The following FHOD3 variants were observed in gnomAD, a reference collection of about 807,000 sequenced individuals.
FHOD3 encodes the protein FH1/FH2 domain-containing protein 3.
A neutral mutation model predicts 173.0 loss-of-function variants in FHOD3; 90 were observed. The observed-to-expected ratio is 0.52, with a 90% CI of 0.44 to 0.62. The LOEUF is 0.62. FHOD3 is among the 20% of genes least tolerant of loss of function. The probability of loss-of-function intolerance (pLI) is 0.00; values close to 1 mark genes in which losing one functional copy is unlikely to be tolerated. For synonymous variants in FHOD3, 828 were observed against 823.0 expected, an observed-to-expected ratio of 1.01 and a Z score of -0.10; for missense variants, 1,945 against 2,034.7, an observed-to-expected ratio of 0.96 and a Z score of 0.85.
chr18:36,470,578 G>A (rs543138983), intron 3 of FHOD3, among the ~76,000 whole-genome samples: 53 of 152,324 alleles, frequency 3.5e-4, no homozygotes, highest in Middle Eastern at 3.4e-3. Context: ...TATACAATAT[G>A]TGTGTAATTG....
At chr18:36,382,444 A>C (rs1220858406) in intron 3 of FHOD3, among the ~76,000 whole-genome samples, 3 of 152,220 alleles carry the variant, frequency 2.0e-5, no homozygotes, top group Non-Finnish European at 1.5e-5. Context: ...AGATAATTCC[A>C]CCAGACCAAT....
chr18:36,652,644 T>G lies in FHOD3; in HGVS notation c.1361T>G (p.Val454Gly), dbSNP rs1568553452. The part of the protein sequence containing the change: ...AAPKSSALPA[V>G]SNASSQGKPL... Reference sequence around the variant, plus strand: ...CCCAAGAGCTCTGCCCTCCCTGCTGTCTCGAATGCCAGCTCGCAGGGAAAG... The same window carrying G: ...CCCAAGAGCTCTGCCCTCCCTGCTGGCTCGAATGCCAGCTCGCAGGGAAAG... The change falls in exon 12 of 29, where the codon GTC (valine) becomes GGC (glycine). Residue 454 changes from valine to glycine, a missense_variant. This residue lies in a region of FHOD3 where 1,099 missense variants were observed against 1,051.2 expected (regional missense o/e 1.05). Coordinates refer to ENST00000590592, the MANE Select transcript of FHOD3 (RefSeq NM_001281740.3). 2.0e-6 allele frequency: 3 copies of G among 1,535,492 alleles called. No homozygotes were observed. The highest frequency in any genetic ancestry group is 2.6e-6 in the Non-Finnish European group (3 of 1,146,680).
At chr18:36,601,075 G>T (rs2031311750) in intron 7 of FHOD3, among the ~76,000 whole-genome samples, 2 of 152,192 alleles carry the variant, frequency 1.3e-5, no homozygotes, top group South Asian at 4.1e-4. Context: ...TGGTTACTTT[G>T]CAGTGGTTGG....
At chr18:36,687,671 T>C (rs978867380) in intron 16 of FHOD3, among the ~76,000 whole-genome samples, 1 of 152,218 alleles carries the variant, frequency 6.6e-6, no homozygotes, top group Non-Finnish European at 1.5e-5. Flanking sequence ...TGCCTAGATT[T>C]CCTTTATTTC....
At chr18:36,375,816 T>C (rs772636204) in intron 3 of FHOD3, among the ~76,000 whole-genome samples, 12 of 152,144 alleles carry the variant, frequency 7.9e-5, no homozygotes, top group Non-Finnish European at 1.5e-4. Flanking sequence ...GAGATTTTGG[T>C]ATAGAGAGAG....
In FHOD3 at chr18:36,652,745, C is replaced by G; in HGVS notation, c.1462C>G (p.Leu488Val). The G allele has an allele frequency of 6.5e-7, 1 of 1,535,912 alleles. No homozygotes were observed. The highest frequency in any genetic ancestry group is 8.7e-7 in the Non-Finnish European group (1 of 1,146,716). Reference protein sequence around the residue: ...SSGSEATPSALLSPPASAARP... With the variant: ...SSGSEATPSAVLSPPASAARP... ...TGGGTCTGAGGCCACCCCATCTGCCCTCCTGTCACCCCCTGCCTCAGCTGC... is the reference window on the plus strand; with the variant it reads ...TGGGTCTGAGGCCACCCCATCTGCCGTCCTGTCACCCCCTGCCTCAGCTGC... Residue 488 changes from leucine to valine, a missense_variant, in exon 12 of 29, where the codon CTC becomes GTC. This residue lies in a region of FHOD3 where 1,099 missense variants were observed against 1,051.2 expected (regional missense o/e 1.05). Coordinates refer to ENST00000590592, the MANE Select transcript of FHOD3 (RefSeq NM_001281740.3).
intron 2 of FHOD3, among the ~76,000 whole-genome samples, chr18:36,356,533 A>C (rs1389773766): frequency 6.6e-6 from 1 of 152,126 alleles, no homozygotes; most frequent in Admixed American, 6.5e-5. Context: ...GTCTCACTCC[A>C]GTTGCCCAGG....
intron 17 of FHOD3, among the ~76,000 whole-genome samples, chr18:36,701,924 G>T (rs549652244): frequency 6.6e-6 from 1 of 152,246 alleles, no homozygotes; most frequent in East Asian, 1.9e-4. Flanking sequence ...ATCTTCAGTG[G>T]GGCTTAGGTC....
intron 5 of FHOD3, among the ~76,000 whole-genome samples, chr18:36,563,703 T>G (rs2147723321): frequency 6.6e-6 from 1 of 152,306 alleles, no homozygotes; most frequent in East Asian, 1.9e-4. Context: ...GGTACTGTCT[T>G]AGAAGCAAAA....
At chr18:36,777,121 G>A (rs1430378996) in intron 28 of FHOD3, among the ~76,000 whole-genome samples, 1 of 151,682 alleles carries the variant, frequency 6.6e-6, no homozygotes, top group Non-Finnish European at 1.5e-5. Context: ...ATAGACTGAT[G>A]TCCACACCAC....
intron 6 of FHOD3, among the ~76,000 whole-genome samples, chr18:36,587,517 C>T (rs981205799): frequency 3.9e-5 from 6 of 152,166 alleles, no homozygotes; most frequent in Admixed American, 6.5e-5. Flanking sequence ...GCCAGCCAGG[C>T]GCGGTGGCTC....
chr18:36,315,274 A>G (rs1229484762), intron 1 of FHOD3, among the ~76,000 whole-genome samples: 1 of 152,202 alleles, frequency 6.6e-6, no homozygotes, highest in Non-Finnish European at 1.5e-5. Context: ...AGTGAGTTTC[A>G]TTAGAAACTA....
intron 3 of FHOD3, among the ~76,000 whole-genome samples, chr18:36,402,835 T>A (rs1324999233): frequency 6.6e-6 from 1 of 152,174 alleles, no homozygotes; most frequent in Non-Finnish European, 1.5e-5. Context: ...CCACAGTGAG[T>A]TTCCATCAGC....
intron 2 of FHOD3, among the ~76,000 whole-genome samples, chr18:36,364,287 T>A (rs2046781337): frequency 6.6e-6 from 1 of 152,190 alleles, no homozygotes; most frequent in Non-Finnish European, 1.5e-5. Flanking sequence ...GTAAAATAGC[T>A]ATAGCATCCT....
intron 22 of FHOD3, 125 bp from the exon 23 acceptor site, chr18:36,743,907 C>T (rs1289290728): frequency 2.8e-6 from 3 of 1,057,298 alleles, no homozygotes; most frequent in East Asian, 4.8e-5. Flanking sequence ...CATGTGGCCC[C>T]AGGAGCTTCA....
At chr18:36,544,569 C>T (rs1415876180) in intron 5 of FHOD3, 3 of 152,370 alleles carry the variant, frequency 2.0e-5, no homozygotes, top group Non-Finnish European at 2.9e-5. Flanking sequence ...CCCTCACTGC[C>T]TCTGGACTTG....
chr18:36,312,393 C>T (rs764101695), intron 1 of FHOD3, among the ~76,000 whole-genome samples: 5 of 152,136 alleles, frequency 3.3e-5, no homozygotes, highest in Non-Finnish European at 7.4e-5. Context: ...AGAGCTGACC[C>T]CTGGCTCAGC....
intron 27 of FHOD3, among the ~76,000 whole-genome samples, chr18:36,761,561 C>G (rs760374523): frequency 2.6e-5 from 4 of 152,148 alleles, no homozygotes; most frequent in Non-Finnish European, 4.4e-5. Context: ...CGGCGCTTCT[C>G]CGCACGCTGC....
In FHOD3 at chr18:36,709,283, G is replaced by A. The variant is rs1044726015; in HGVS notation, c.2425G>A (p.Glu809Lys). Reference sequence around the variant, plus strand: ...CCTCAGTGAAAAAGAGAGGCAGAACGAGGGGGTGAACGAGAGGGACAACTG... The same window carrying A: ...CCTCAGTGAAAAAGAGAGGCAGAACAAGGGGGTGAACGAGAGGGACAACTG... ...ASLSEKERQN[E>K]GVNERDNCSA... The change falls in exon 18 of 29, where the codon GAG becomes AAG. Residue 809 changes from glutamate (E) to lysine (K), a missense_variant. Physicochemically the swap from Glu to Lys is moderately conservative, Grantham distance 56. Around this residue, in one of 5 missense-constraint regions of FHOD3, gnomAD observed 1,099 missense variants for 1,051.2 expected, o/e 1.05. Coordinates refer to ENST00000590592, the MANE Select transcript of FHOD3 (RefSeq NM_001281740.3). The A allele has an allele frequency of 2.5e-6, 4 of 1,614,246 alleles. No homozygotes were observed. The highest frequency in any genetic ancestry group is 1.1e-5 in the South Asian group (1 of 91,086).
Sources: gnomAD v4.1 joint callset for allele counts (sites outside exome capture counted in the v4.1 genomes callset) on GRCh38, gnomAD v4.1.1 for gene constraint, gnomAD v4.1.1 regional missense constraint, MANE v1.5 for transcripts, NCBI Gene and HGNC (gene_info 2026-07-23, HGNC 2026-07-21) for gene names.